Variants in ADAM12 observed in about 807,000 individuals in gnomAD.
The protein encoded by ADAM12 is disintegrin and metalloproteinase domain-containing protein 12.
A neutral mutation model predicts 106.4 loss-of-function variants in ADAM12; 70 were observed. The observed-to-expected ratio is 0.66, with a 90% confidence interval of 0.54 to 0.80. The LOEUF (loss-of-function observed/expected upper bound fraction) is 0.80. Among genes scored for constraint, ADAM12 ranks in the 30% least tolerant of loss-of-function variants. The pLI is 0.00. For missense variants in ADAM12, 1,010 were observed against 1,171.9 expected, an observed-to-expected ratio of 0.86 and a Z score of 2.02; for synonymous variants, 420 against 433.5, an observed-to-expected ratio of 0.97 and a Z score of 0.39.
At chr10:126,280,254 G>A (rs1959505173) in intron 2 of ADAM12, among the ~76,000 whole-genome samples, 2 of 152,038 alleles carry the variant, frequency 1.3e-5, no homozygotes, top group South Asian at 4.1e-4. Context: ...GGCAAAACAT[G>A]ACTTAACTAA....
At chr10:126,157,225 G>C (rs967931729) in intron 3 of ADAM12, among the ~76,000 whole-genome samples, 1 of 152,202 alleles carries the variant, frequency 6.6e-6, no homozygotes, top group Non-Finnish European at 1.5e-5. Context: ...TAGTCAGAGA[G>C]AACAAAGCTG....
At chr10:126,381,265 A>T (rs1173625666) in intron 1 of ADAM12, among the ~76,000 whole-genome samples, 1 of 152,218 alleles carries the variant, frequency 6.6e-6, no homozygotes, top group Non-Finnish European at 1.5e-5. Context: ...CCTTGGCTAA[A>T]TTCTAAATGT....
chr10:126,038,412 T>C, intron 19 of ADAM12, 63 bp from the exon 20 acceptor site: 2 of 1,343,158 alleles, frequency 1.5e-6, no homozygotes, highest in Non-Finnish European at 2.0e-6. Context: ...CTTGACTTTT[T>C]ACACTTTGCT....
At chr10:126,040,850 G>A (rs2133409377) in intron 18 of ADAM12, among the ~76,000 whole-genome samples, 1 of 152,170 alleles carries the variant, frequency 6.6e-6, no homozygotes, top group East Asian at 1.9e-4. Flanking sequence ...AACTCCCCAG[G>A]GTTGCTCAAG....
chr10:126,044,341 G>A (rs1954259539), intron 17 of ADAM12, among the ~76,000 whole-genome samples: 1 of 151,974 alleles, frequency 6.6e-6, no homozygotes, highest in South Asian at 2.1e-4. Context: ...TTAAAAAAGA[G>A]AAATCACTAA....
At chr10:126,315,607 C>A (rs1433192381) in intron 2 of ADAM12, among the ~76,000 whole-genome samples, 2 of 152,042 alleles carry the variant, frequency 1.3e-5, no homozygotes, top group African/African-American at 4.8e-5. Flanking sequence ...AGCTGCATTC[C>A]CAGAAACACT....
At chr10:126,198,642 T>C (rs750442315) in intron 3 of ADAM12, among the ~76,000 whole-genome samples, 4 of 152,226 alleles carry the variant, frequency 2.6e-5, no homozygotes, top group Non-Finnish European at 4.4e-5. Flanking sequence ...GATCTCTGCC[T>C]GCACCTCTGG....
chr10:126,060,405 G>A (rs114573141), intron 14 of ADAM12, among the ~76,000 whole-genome samples: 3,148 of 152,206 alleles, frequency 0.021, 114 homozygotes, highest in African/African-American at 0.073. Context: ...AGAATTCTGG[G>A]CAACTCAGCA....
chr10:126,228,227 CA>C (rs1252887464), intron 3 of ADAM12, among the ~76,000 whole-genome samples: 6 of 152,178 alleles, frequency 3.9e-5, no homozygotes, highest in Non-Finnish European at 8.8e-5. Context: ...CTGTACCCCC[CA>C]ATATGCCAAC....
At chr10:126,045,800 T>C (rs1007791083) in intron 17 of ADAM12, among the ~76,000 whole-genome samples, 15 of 152,276 alleles carry the variant, frequency 9.9e-5, no homozygotes, top group African/African-American at 3.6e-4. Context: ...TCAAATTACT[T>C]TGAACAACAA....
At chr10:126,193,123 G>A (rs1042461932) in intron 3 of ADAM12, among the ~76,000 whole-genome samples, 1 of 151,814 alleles carries the variant, frequency 6.6e-6, no homozygotes, top group African/African-American at 2.4e-5. Flanking sequence ...AAATTAGCCG[G>A]GTGTGATGGC....
intron 1 of ADAM12, among the ~76,000 whole-genome samples, chr10:126,370,807 T>C (rs551349382): frequency 1.3e-5 from 2 of 152,294 alleles, no homozygotes; most frequent in African/African-American, 4.8e-5. Context: ...ACTGCCTAGT[T>C]CAATCCTGGC....
intron 1 of ADAM12, among the ~76,000 whole-genome samples, chr10:126,335,775 G>A (rs1231091582): frequency 7.9e-5 from 12 of 152,156 alleles, no homozygotes; most frequent in Admixed American, 7.9e-4. Context: ...GCTTTAGCCA[G>A]ATGGTCAAGG....
At chr10:126,322,407 AC>A (rs1854131939) in intron 2 of ADAM12, among the ~76,000 whole-genome samples, 1 of 152,060 alleles carries the variant, frequency 6.6e-6, no homozygotes, top group African/African-American at 2.4e-5. Context: ...GTGGTTCTCA[AC>A]CCGGGGCAAT....
intron 14 of ADAM12, among the ~76,000 whole-genome samples, chr10:126,060,514 G>C (rs12242949): frequency 6.6e-6 from 1 of 152,110 alleles, no homozygotes; most frequent in Admixed American, 6.5e-5. Flanking sequence ...CAGGAGGCCT[G>C]TGATGACCCC....
chr10:126,354,038 T>A lies in ADAM12; in HGVS notation c.89-23529A>T, dbSNP rs1175819266. Among the ~76,000 whole-genome samples, 9 of 151,954 alleles carry A rather than the reference T, an allele frequency of 5.9e-5. No homozygotes were observed. The East Asian group carries it at 1.5e-3, about 26-fold the overall frequency. ...GTTTTTTATAATGTTAACAAGCTTT[T>A]TTTTTTTTTTAAAGAAAAAGATATT... On this transcript the variant is annotated intron_variant, in intron 1 of 22. Coordinates refer to ENST00000448723, the MANE Select transcript of ADAM12 (RefSeq NM_001288973.2).
chr10:126,307,008 T>C (rs562690432), intron 2 of ADAM12, among the ~76,000 whole-genome samples: 3 of 152,200 alleles, frequency 2.0e-5, no homozygotes, highest in Non-Finnish European at 4.4e-5. Context: ...TAGTTACACT[T>C]TTCACCGTTC....
chr10:126,304,337 G>A lies in ADAM12; in HGVS notation c.187-25349C>T, dbSNP rs141849716. Among the ~76,000 whole-genome samples the A allele has an allele frequency of 3.1e-3, 446 of 145,448 alleles. 1 individual carries two copies. Among genetic ancestry groups the A allele is most frequent in the African/African-American group, 0.011 (438 of 39,886 alleles). On this transcript the variant is annotated intron_variant, in intron 2 of 22. Transcript: ENST00000448723. Reference sequence around the variant, plus strand: ...AGAAGGAAGGGAGGGAGGGAGGGAGGGAGGGAGAAAAACAAAAAACCCAAA... The same window carrying A: ...AGAAGGAAGGGAGGGAGGGAGGGAGAGAGGGAGAAAAACAAAAAACCCAAA...
chr10:126,151,493 T>G (rs1028701389), intron 4 of ADAM12, among the ~76,000 whole-genome samples: 2 of 152,180 alleles, frequency 1.3e-5, no homozygotes, highest in African/African-American at 4.8e-5. Context: ...AAATATGTAC[T>G]GGATAGGGTT....
Sources: gnomAD v4.1 joint callset for allele counts (sites outside exome capture counted in the v4.1 genomes callset) on GRCh38, gnomAD v4.1.1 for gene constraint, MANE v1.5 for transcripts, NCBI Gene and HGNC (gene_info 2026-07-23, HGNC 2026-07-21) for gene names.